Variants in TENM4 observed in about 807,000 individuals in gnomAD.
TENM4 encodes the protein teneurin-4.
In TENM4, 82 loss-of-function variants were observed where a neutral mutation model predicts 243.3. The observed-to-expected ratio is 0.34, with a 90% confidence interval of 0.28 to 0.40. TENM4 has a LOEUF of 0.40. Among genes scored for constraint, TENM4 ranks in the 10% least tolerant of loss-of-function variants. TENM4 has a pLI of 1.00. For synonymous variants in TENM4, 1,412 were observed against 1,456.3 expected, an observed-to-expected ratio of 0.97 and a Z score of 0.69; for missense variants, 3,138 against 3,673.3, an observed-to-expected ratio of 0.85 and a Z score of 3.77.
intron 1 of TENM4, among the ~76,000 whole-genome samples, chr11:79,366,904 G>A (rs1030644731): frequency 2.0e-5 from 3 of 152,118 alleles, no homozygotes; most frequent in African/African-American, 7.2e-5. Context: ...CTGCCAGAAG[G>A]CTATATATCA....
chr11:78,720,700 T>C (rs1186632501), intron 24 of TENM4, among the ~76,000 whole-genome samples: 1 of 152,166 alleles, frequency 6.6e-6, no homozygotes, highest in Non-Finnish European at 1.5e-5. Context: ...GAGATTGGAA[T>C]AGTGGATTCT....
chr11:78,671,936 T>A, intron 31 of TENM4, 97 bp downstream of exon 31: 1 of 1,426,364 alleles, frequency 7.0e-7, no homozygotes. Context: ...GTGACATGGG[T>A]CAGATACAGC....
At chr11:79,268,732 A>C (rs538501918) in intron 2 of TENM4, among the ~76,000 whole-genome samples, 111 of 152,280 alleles carry the variant, frequency 7.3e-4, no homozygotes, top group Non-Finnish European at 1.2e-3. Context: ...TAATGTAAAA[A>C]GTTTCCTTTT....
intron 2 of TENM4, among the ~76,000 whole-genome samples, chr11:79,226,297 G>T (rs1864263772): frequency 6.6e-6 from 1 of 152,134 alleles, no homozygotes. Flanking sequence ...CTCCGTCCTT[G>T]GACTTTTCCT....
intron 1 of TENM4, among the ~76,000 whole-genome samples, chr11:79,347,935 G>A (rs966217404): frequency 1.6e-4 from 25 of 151,546 alleles, no homozygotes; most frequent in Admixed American, 1.2e-3. Context: ...GCCCGCCACC[G>A]CGCCCGGCTA....
chr11:79,085,532 A>G (rs961679757), intron 4 of TENM4, among the ~76,000 whole-genome samples: 2 of 152,152 alleles, frequency 1.3e-5, no homozygotes, highest in African/African-American at 4.8e-5. Flanking sequence ...GGGATAGTAT[A>G]TACCACCTTA....
chr11:79,262,367 A>G (rs1212601879), intron 2 of TENM4, among the ~76,000 whole-genome samples: 1 of 152,204 alleles, frequency 6.6e-6, no homozygotes, highest in East Asian at 1.9e-4. Context: ...CTGACACTCC[A>G]ATCTGGACTC....
At chr11:79,395,297 G>A (rs887128275) in intron 1 of TENM4, among the ~76,000 whole-genome samples, 3 of 152,294 alleles carry the variant, frequency 2.0e-5, no homozygotes, top group East Asian at 1.9e-4. Context: ...ACCAACCATC[G>A]TTATCTAAAA....
chr11:79,031,028 C>T (rs546364246), intron 6 of TENM4, among the ~76,000 whole-genome samples: 11 of 152,132 alleles, frequency 7.2e-5, no homozygotes, highest in East Asian at 3.9e-4. Context: ...TGTGGGTGAT[C>T]GATTATTTGA....
intron 22 of TENM4, among the ~76,000 whole-genome samples, chr11:78,728,613 C>T (rs1590972964): frequency 6.6e-6 from 1 of 151,866 alleles, no homozygotes; most frequent in African/African-American, 2.4e-5. Flanking sequence ...TCTCTGCTTC[C>T]TCATTCTGCC....
chr11:79,434,239 C>T (rs1438677076), intron 1 of TENM4, among the ~76,000 whole-genome samples: 1 of 152,228 alleles, frequency 6.6e-6, no homozygotes, highest in South Asian at 2.1e-4. Context: ...ATTGATTGGG[C>T]CCTGGAACTG....
chr11:79,015,478 G>GTGTGTA (rs1491103293), intron 6 of TENM4, among the ~76,000 whole-genome samples: 3 of 33,000 alleles, frequency 9.1e-5, no homozygotes, highest in Admixed American at 2.9e-4. Context: ...AAGTCATTTA[G>GTGTGTA]TGTGTGTGTG....
intron 14 of TENM4, among the ~76,000 whole-genome samples, chr11:78,807,288 T>C (rs1857409243): frequency 6.6e-6 from 1 of 152,220 alleles, no homozygotes; most frequent in African/African-American, 2.4e-5. Flanking sequence ...TCTTCCATAG[T>C]AGTTCTACCA....
chr11:79,045,684 G>T (rs1005719216), intron 6 of TENM4, among the ~76,000 whole-genome samples: 1 of 151,908 alleles, frequency 6.6e-6, no homozygotes, highest in African/African-American at 2.4e-5. Flanking sequence ...AGCTTCTCTG[G>T]GACCTGTTCC....
At position 78,922,358 on chromosome 11, in the gene TENM4, C is replaced by T. The variant is rs554032582; in HGVS notation, c.494-18835G>A. Among the ~76,000 whole-genome samples the T allele has an allele frequency of 3.2e-3, 482 of 152,276 alleles. 2 individuals carry two copies. Among genetic ancestry groups the T allele is most frequent in the African/African-American group, 0.011 (457 of 41,548 alleles). On this transcript the variant is annotated intron_variant, in intron 6 of 33. Coordinates refer to ENST00000278550, the MANE Select transcript of TENM4 (RefSeq NM_001098816.3). The stretch of plus-strand genomic sequence containing the variant: ...TCATGATGTCTTTATGATGACAATT[C>T]TCTTGTTAACTCCTCATGTGTTTTT...
chr11:79,290,930 G>C (rs80201847), intron 2 of TENM4, among the ~76,000 whole-genome samples: 1,552 of 152,262 alleles, frequency 0.01, 32 homozygotes, highest in African/African-American at 0.035. Flanking sequence ...TGTTTGTAAA[G>C]GCACAGCTGA....
chr11:78,720,244 C>G, intron 25 of TENM4, 126 bp downstream of exon 25: 1 of 1,109,608 alleles, frequency 9.0e-7, no homozygotes, highest in South Asian at 1.3e-5. Context: ...AACTGATTAC[C>G]CCAATCAGTT....
At chr11:79,101,128 A>C (rs531579483) in intron 4 of TENM4, among the ~76,000 whole-genome samples, 44 of 152,346 alleles carry the variant, frequency 2.9e-4, no homozygotes, top group South Asian at 4.1e-4. Context: ...CAAAGGTGGC[A>C]TCATGTTCTG....
At chr11:78,957,785 G>A (rs671097) in intron 6 of TENM4, among the ~76,000 whole-genome samples, 77,111 of 152,024 alleles carry the variant, frequency 0.51, 19,990 homozygotes, top group Middle Eastern at 0.64. Flanking sequence ...TTTAGTGCCC[G>A]GTCATCTGGT....
Sources: gnomAD v4.1 joint callset for allele counts (sites outside exome capture counted in the v4.1 genomes callset) on GRCh38, gnomAD v4.1.1 for gene constraint, MANE v1.5 for transcripts, NCBI Gene and HGNC (gene_info 2026-07-23, HGNC 2026-07-21) for gene names.